ATM: variants seen among roughly 807,000 people sequenced by gnomAD.
ATM encodes the protein serine-protein kinase ATM.
A neutral mutation model predicts 387.0 loss-of-function variants in ATM; 308 were observed. The observed-to-expected ratio is 0.80, with a 90% CI of 0.73 to 0.87. The LOEUF is 0.87. Among genes scored for constraint, ATM ranks in the 40% least tolerant of loss-of-function variants. The pLI, the probability that ATM is intolerant of heterozygous loss-of-function variation, is 0.00. For missense variants in ATM, 3,312 were observed against 3,560.9 expected (o/e 0.93, Z 1.78); for synonymous variants, 1,156 against 1,187.3 (o/e 0.97, Z 0.54).
chr11:108,335,916 A>G lies in ATM; in HGVS notation c.8223A>G (p.Arg2741=). 3 of 1,614,036 alleles carry G rather than the reference A, an allele frequency of 1.9e-6. No homozygotes were observed. The highest frequency in any genetic ancestry group is 2.5e-6 in the Non-Finnish European group (3 of 1,179,924). Residue 2741 remains arginine (R), a synonymous_variant, in exon 56 of 63, where the codon AGA becomes AGG. Coordinates refer to ENST00000675843, the MANE Select transcript of ATM (RefSeq NM_000051.4). The stretch of plus-strand genomic sequence containing the variant: ...AGATGTGTAATACATTACTGCAGAG[A>G]AACACGGAAACTAGGAAGAGGAAAT... The part of the protein sequence containing the change: ...VFQMCNTLLQ[R]NTETRKRKLT...
intron 4 of ATM, 172 bp downstream of exon 4, chr11:108,229,495 G>GTT: frequency 1.7e-5 from 11 of 647,534 alleles, no homozygotes; most frequent in Admixed American, 3.5e-5. Context: ...TTATTAAAAG[G>GTT]TTTTTTTTTA....
intron 42 of ATM, among the ~76,000 whole-genome samples, chr11:108,316,990 T>C (rs2084720317): frequency 6.6e-6 from 1 of 151,840 alleles, no homozygotes; most frequent in Non-Finnish European, 1.5e-5. Flanking sequence ...CTGGAGTGCA[T>C]TAGCGTGATC....
intron 55 of ATM, among the ~76,000 whole-genome samples, chr11:108,335,524 G>C (rs2086744004): frequency 6.6e-6 from 1 of 152,174 alleles, no homozygotes; most frequent in Non-Finnish European, 1.5e-5. Flanking sequence ...ACCATTTGCT[G>C]ACGAGCTCTT....
chr11:108,276,553 C>G (rs2135606579), intron 22 of ATM, among the ~76,000 whole-genome samples: 1 of 152,272 alleles, frequency 6.6e-6, no homozygotes, highest in East Asian at 1.9e-4. Flanking sequence ...TCTGTGTGGA[C>G]ATCCTTTTTG....
At chr11:108,297,420 A>G (rs758179045) in intron 33 of ATM, 38 bp downstream of exon 33, 1 of 1,462,624 alleles carries the variant, frequency 6.8e-7, no homozygotes, top group Admixed American at 1.7e-5. Context: ...ATTTCAGTCA[A>G]CTGCGGATCA....
intron 16 of ATM, among the ~76,000 whole-genome samples, chr11:108,265,996 G>A (rs2081212785): frequency 2.0e-5 from 3 of 151,860 alleles, no homozygotes; most frequent in Admixed American, 2.0e-4. Context: ...AGGTGCTGGA[G>A]AGGATGTGGA....
At chr11:108,229,373 C>G (rs372974993) in intron 4 of ATM, 50 bp downstream of exon 4, 1 of 1,360,158 alleles carries the variant, frequency 7.4e-7, no homozygotes, top group Admixed American at 2.5e-5. Context: ...ATTACTGTCG[C>G]GTGAGTTTTT....
intron 59 of ATM, among the ~76,000 whole-genome samples, chr11:108,348,885 T>C (rs2088826125): frequency 6.6e-6 from 1 of 152,234 alleles, no homozygotes; most frequent in South Asian, 2.1e-4. Flanking sequence ...ATATGAAACA[T>C]ATGATTTAAT....
chr11:108,325,341 T>G lies in ATM; in HGVS notation c.6604T>G (p.Tyr2202Asp), dbSNP rs730881311. Residue 2202 changes from tyrosine (Y) to aspartate (D), a missense_variant, in exon 46 of 63, where the codon TAT (tyrosine) becomes GAT (aspartate). Tyr to Asp is a radical substitution (Grantham distance 160). Transcript: ENST00000675843. ...CACACATAGACAACTCTCTGAAGTA[T>G]ATATTAAGTGGCAGAAACACTCCCA... ...SVTHRQLSEV[Y>D]IKWQKHSQLL... 5.3e-5 allele frequency: 86 copies of G among 1,610,648 alleles called. No individual in the cohort carries two copies. The highest frequency in any genetic ancestry group is 7.1e-5 in the Non-Finnish European group (84 of 1,178,662).
intron 26 of ATM, among the ~76,000 whole-genome samples, chr11:108,285,641 A>G (rs1283809622): frequency 6.6e-6 from 1 of 151,624 alleles, no homozygotes; most frequent in East Asian, 1.9e-4. Context: ...AGTTATCTAT[A>G]TTGAACCAAG....
chr11:108,348,481 A>G (rs1032841089), intron 59 of ATM, among the ~76,000 whole-genome samples: 3 of 151,474 alleles, frequency 2.0e-5, no homozygotes, highest in East Asian at 2.0e-4. Context: ...TTTGTAAATA[A>G]TAAGAAAGTG....
Position 108,312,456 on chromosome 11 carries a change from C to A in ATM, c.5964C>A (p.Ser1988Arg), listed in dbSNP as rs774260725. 6.3e-7 allele frequency: 1 copy of A among 1,596,698 alleles called. No individual in the cohort carries two copies. The highest frequency in any genetic ancestry group is 8.6e-7 in the Non-Finnish European group (1 of 1,164,640). The change falls in exon 40 of 63, where the codon AGC becomes AGA. Residue 1988 changes from serine to arginine, a missense_variant. Coordinates refer to ENST00000675843, the MANE Select transcript of ATM (RefSeq NM_000051.4). The part of the protein sequence containing the change: ...EEGSQSTTIS[S>R]LSEKSKEETG... ...GAAGCCAGAGTACAACTATTTCTAG[C>A]TTGAGTGAAAAAAGTAAAGAAGAAA...
chr11:108,238,178 C>T (rs535722542), intron 5 of ATM, among the ~76,000 whole-genome samples: 9 of 152,226 alleles, frequency 5.9e-5, no homozygotes, highest in African/African-American at 1.4e-4. Flanking sequence ...CCACCTGCCT[C>T]AGCCTCCCAA....
At chr11:108,358,271 G>T (rs1591340459) in intron 61 of ATM, among the ~76,000 whole-genome samples, 2 of 148,172 alleles carry the variant, frequency 1.3e-5, no homozygotes, top group African/African-American at 5.0e-5. Context: ...AATGAGCAAA[G>T]CCTCCAAGAA....
chr11:108,251,995 T>A lies in ATM; in HGVS notation c.1766T>A (p.Leu589Ter), dbSNP rs2135343637. The A allele has an allele frequency of 6.2e-7, 1 of 1,613,364 alleles. No individual in the cohort carries two copies. Residue 589 changes from leucine (L) to a stop codon, truncating the protein, a stop_gained, in exon 11 of 63, where the codon TTA becomes TAA. Coordinates refer to ENST00000675843, the MANE Select transcript of ATM (RefSeq NM_000051.4). LOFTEE classifies it high-confidence loss of function. ...WLLFYQLEGDLENSTEVPPIL... is the reference protein window; with the variant it reads ...WLLFYQLEGD ...TTATTCTATCAGTTAGAGGGTGACTTAGAAAATAGCACAGAAGTGCCTCCA... is the reference window on the plus strand; with the variant it reads ...TTATTCTATCAGTTAGAGGGTGACTAAGAAAATAGCACAGAAGTGCCTCCA...
At position 108,254,046 on chromosome 11, in the gene ATM, T is replaced by C; in HGVS notation, c.2124+7T>C. The C allele has an allele frequency of 6.2e-7, 1 of 1,612,034 alleles. No homozygotes were observed. Among genetic ancestry groups the C allele is most frequent in the Non-Finnish European group, 8.5e-7 (1 of 1,178,908 alleles). ...GAATAATTACTCATCTGAGGTGAGA[T>C]TTTTTAAAAAAAGAACTAAGCTTAT... On this transcript the variant is annotated splice_region_variant and intron_variant, in intron 13 of 62. Coordinates refer to ENST00000675843, the MANE Select transcript of ATM (RefSeq NM_000051.4).
At chr11:108,306,476 T>G (rs918411561) in intron 37 of ATM, among the ~76,000 whole-genome samples, 17 of 152,254 alleles carry the variant, frequency 1.1e-4, no homozygotes, top group Admixed American at 2.6e-4. Context: ...TTACATAGTT[T>G]AAGGTAATCA....
chr11:108,294,096 GATTTTAACAC>G (rs1221053268), intron 31 of ATM, among the ~76,000 whole-genome samples: 1 of 151,608 alleles, frequency 6.6e-6, no homozygotes, highest in African/African-American at 2.4e-5. Flanking sequence ...AAATAGTTTT[GATTTTAACAC>G]ATAAGATCCT....
At chr11:108,229,115 T>A in intron 3 of ATM, 63 bp from the exon 4 acceptor site, 1 of 1,532,018 alleles carries the variant, frequency 6.5e-7, no homozygotes, top group South Asian at 1.2e-5. Flanking sequence ...ATGAACAGCT[T>A]TTGAAATTAT....
Sources: gnomAD v4.1 joint callset for allele counts (sites outside exome capture counted in the v4.1 genomes callset) on GRCh38, gnomAD v4.1.1 for gene constraint, MANE v1.5 for transcripts, NCBI Gene and HGNC (gene_info 2026-07-23, HGNC 2026-07-21) for gene names.